The following ERO1B variants were observed in gnomAD, a reference collection of about 807,000 sequenced individuals.
ERO1B encodes the protein endoplasmic reticulum oxidoreductase 1 beta.
Under a neutral mutation model 75.3 loss-of-function variants are expected in ERO1B, and 49 were observed. That is an observed-to-expected ratio of 0.65 (90% CI 0.52 to 0.83). The LOEUF is 0.83. Ranked by LOEUF, ERO1B falls within the 40% of genes least tolerant of loss-of-function variation. The pLI is 0.00. For missense variants in ERO1B, 512 were observed against 560.1 expected (o/e 0.91, Z 0.87); for synonymous variants, 191 against 192.9 (o/e 0.99, Z 0.08).
At chr1:236,278,634 C>T (rs1165004856) in intron 1 of ERO1B, among the ~76,000 whole-genome samples, 1 of 152,036 alleles carries the variant, frequency 6.6e-6, no homozygotes, top group Non-Finnish European at 1.5e-5. Context: ...AATTTTATGC[C>T]ACCTCAGAAA....
intron 6 of ERO1B, among the ~76,000 whole-genome samples, chr1:236,239,529 T>C (rs905680907): frequency 2.6e-5 from 4 of 151,832 alleles, no homozygotes; most frequent in African/African-American, 9.7e-5. Flanking sequence ...GGCCAAGTTC[T>C]CTACAAACAC....
chr1:236,239,911 A>ATTTTT (rs1218642025), intron 6 of ERO1B, among the ~76,000 whole-genome samples: 6 of 106,960 alleles, frequency 5.6e-5, no homozygotes, highest in African/African-American at 2.4e-4. Context: ...ATATATATAT[A>ATTTTT]TTTTTTTTTT....
chr1:236,280,558 TC>T (rs71717429), intron 1 of ERO1B, among the ~76,000 whole-genome samples: 4,026 of 152,282 alleles, frequency 0.026, 186 homozygotes, highest in African/African-American at 0.092. Flanking sequence ...TTTAACATGT[TC>T]CCCAATACCA....
At chr1:236,247,467 A>C (rs73114949) in intron 5 of ERO1B, among the ~76,000 whole-genome samples, 10,454 of 152,140 alleles carry the variant, frequency 0.069, 744 homozygotes, top group East Asian at 0.39. Flanking sequence ...TACATCCAGA[A>C]CCTGACCGCT....
chr1:236,225,056 C>T lies in ERO1B; in HGVS notation c.1122+14G>A, dbSNP rs370170817. The T allele has an allele frequency of 3.3e-5, 53 of 1,612,848 alleles. No homozygotes were observed. Among genetic ancestry groups the T allele is most frequent in the Middle Eastern group, 1.6e-4 (1 of 6,078 alleles). On this transcript the variant is annotated intron_variant, in intron 13 of 15. Transcript: ENST00000354619. ...ACTGCTCCCAACCCCGTGTCCCAAT[C>T]GAGAACTTTTTACCTTTAGTGACTT...
At chr1:236,279,492 G>GA (rs1665775642) in intron 1 of ERO1B, among the ~76,000 whole-genome samples, 1 of 51,920 alleles carries the variant, frequency 1.9e-5, no homozygotes, top group Non-Finnish European at 4.1e-5. Context: ...GACACAGAGC[G>GA]AGACTCCATC....
At chr1:236,242,621 G>C (rs938800815) in intron 6 of ERO1B, among the ~76,000 whole-genome samples, 6 of 151,926 alleles carry the variant, frequency 3.9e-5, no homozygotes, top group Admixed American at 6.6e-5. Flanking sequence ...ACTTTAGAAA[G>C]CAGAGCATTC....
intron 1 of ERO1B, among the ~76,000 whole-genome samples, chr1:236,280,864 G>A (rs1665814854): frequency 6.6e-6 from 1 of 152,100 alleles, no homozygotes; most frequent in South Asian, 2.1e-4. Context: ...GCAGCACCTG[G>A]CAATCAATTC....
At chr1:236,222,093 C>T (rs1289930896) in intron 13 of ERO1B, 83 bp from the exon 14 acceptor site, 8 of 988,200 alleles carry the variant, frequency 8.1e-6, no homozygotes, top group African/African-American at 1.6e-5. Flanking sequence ...AGTTTTGATG[C>T]TTATTAATAA....
At chr1:236,255,171 A>T (rs1365659522) in intron 2 of ERO1B, among the ~76,000 whole-genome samples, 1 of 151,692 alleles carries the variant, frequency 6.6e-6, no homozygotes, top group East Asian at 1.9e-4. Context: ...CCTGGGCTCA[A>T]GCCATCCACC....
intron 2 of ERO1B, among the ~76,000 whole-genome samples, chr1:236,268,319 A>T (rs1665499871): frequency 6.6e-6 from 1 of 152,188 alleles, no homozygotes; most frequent in Non-Finnish European, 1.5e-5. Context: ...GGGCGCCTGT[A>T]ATCCCAGCTA....
At chr1:236,272,177 C>A (rs1374072269) in intron 1 of ERO1B, among the ~76,000 whole-genome samples, 1 of 152,158 alleles carries the variant, frequency 6.6e-6, no homozygotes, top group Non-Finnish European at 1.5e-5. Flanking sequence ...GTAGAACCAT[C>A]ATTTGACCCT....
rs907147357 is a variant in ERO1B at position 236,281,950 on chromosome 1, G to C, written c.-167C>G. 2.1e-5 allele frequency: 9 copies of C among 422,570 alleles called. No individual in the cohort carries two copies. The highest frequency in any genetic ancestry group is 3.2e-5 in the Non-Finnish European group (8 of 247,862). The allele number at this position is 422,570 out of a possible 1,614,324, so 26.2% of individuals were successfully genotyped here. Reference sequence around the variant, plus strand: ...GCGACTCTTTCCCCAACACCCGGCAGCTGCGAGTGAGGCAGGAAAGGCGAG... The same window carrying C: ...GCGACTCTTTCCCCAACACCCGGCACCTGCGAGTGAGGCAGGAAAGGCGAG... On this transcript the variant is annotated 5_prime_UTR_variant, in exon 1 of 16. Coordinates refer to ENST00000354619, the MANE Select transcript of ERO1B (RefSeq NM_019891.4).
chr1:236,272,787 T>C (rs1665626626), intron 1 of ERO1B, among the ~76,000 whole-genome samples: 1 of 152,226 alleles, frequency 6.6e-6, no homozygotes, highest in South Asian at 2.1e-4. Context: ...AACAATATGC[T>C]TGAGGTTTTT....
intron 2 of ERO1B, among the ~76,000 whole-genome samples, chr1:236,262,546 T>G (rs748064444): frequency 6.6e-6 from 1 of 150,950 alleles, no homozygotes; most frequent in African/African-American, 2.4e-5. Context: ...GGGATTACAG[T>G]TGCACATCAC....
At chr1:236,239,389 C>T (rs955612072) in intron 6 of ERO1B, among the ~76,000 whole-genome samples, 1 of 152,124 alleles carries the variant, frequency 6.6e-6, no homozygotes, top group South Asian at 2.1e-4. Context: ...ACCCTATAGT[C>T]AGTCTATAAA....
At chr1:236,237,594 T>C (rs533119476) in intron 6 of ERO1B, among the ~76,000 whole-genome samples, 21 of 152,192 alleles carry the variant, frequency 1.4e-4, no homozygotes, top group Non-Finnish European at 2.1e-4. Context: ...GTGTTATATA[T>C]GGCACACGTA....
Position 236,218,581 on chromosome 1 carries a change from G to T in ERO1B, c.1344-5C>A. The T allele has an allele frequency of 7.4e-7, 1 of 1,355,048 alleles. No individual in the cohort carries two copies. The allele number at this position is 1,355,048 out of a possible 1,614,324, so 83.9% of individuals were successfully genotyped here. A position where few individuals can be genotyped will look rare whatever the true frequency, so the allele number is the denominator to read the frequency against. On this transcript the variant is annotated splice_polypyrimidine_tract_variant and splice_region_variant and intron_variant, in intron 15 of 15. Transcript: ENST00000354619. ...TCTCTTATACTTGTAGAAAGCCTAT[G>T]GAAGAAAGAAAAAGCTTATTAGTAA...
At chr1:236,276,552 G>A (rs900329685) in intron 1 of ERO1B, among the ~76,000 whole-genome samples, 7 of 152,148 alleles carry the variant, frequency 4.6e-5, no homozygotes, top group Non-Finnish European at 8.8e-5. Flanking sequence ...AAAAAATGCC[G>A]CCAACAGGTA....
Sources: allele counts gnomAD v4.1 joint callset (sites outside exome capture counted in the v4.1 genomes callset), GRCh38; gene constraint gnomAD v4.1.1; transcripts MANE v1.5; gene names NCBI Gene and HGNC (gene_info 2026-07-23, HGNC 2026-07-21).